The following ANKFY1 variants were observed in gnomAD, a reference collection of about 807,000 sequenced individuals.
The protein encoded by ANKFY1 is ankyrin repeat and FYVE domain containing 1, also known as ankyrin repeat and FYVE domain-containing protein 1.
In ANKFY1, 47 loss-of-function variants were observed where a neutral mutation model predicts 128.3. That is an observed-to-expected ratio of 0.37 (90% CI 0.29 to 0.47). The LOEUF (loss-of-function observed/expected upper bound fraction) is 0.47, where lower values mean the gene tolerates loss of function less well. Ranked by LOEUF, ANKFY1 falls within the 20% of genes least tolerant of loss-of-function variation. The probability of loss-of-function intolerance (pLI) is 1.00; values close to 1 mark genes in which losing one functional copy is unlikely to be tolerated. For synonymous variants in ANKFY1, 553 were observed against 601.6 expected, an observed-to-expected ratio of 0.92 and a Z score of 1.18; for missense variants, 1,222 against 1,510.6, an observed-to-expected ratio of 0.81 and a Z score of 3.17.
chr17:4,207,710 A>C (rs2060051045), intron 6 of ANKFY1, among the ~76,000 whole-genome samples: 1 of 152,188 alleles, frequency 6.6e-6, no homozygotes, highest in African/African-American at 2.4e-5. Flanking sequence ...AACTACCTAA[A>C]AGCATTTAAG....
intron 1 of ANKFY1, among the ~76,000 whole-genome samples, chr17:4,251,279 C>A (rs538723392): frequency 6.6e-6 from 1 of 152,044 alleles, no homozygotes; most frequent in African/African-American, 2.4e-5. Context: ...CATATCTAAA[C>A]GTAAGGGTTA....
At chr17:4,244,681 A>G (rs1467639528) in intron 1 of ANKFY1, among the ~76,000 whole-genome samples, 1 of 151,966 alleles carries the variant, frequency 6.6e-6, no homozygotes, top group African/African-American at 2.4e-5. Flanking sequence ...CATCCCAGCA[A>G]TGATTCCCAT....
In ANKFY1 at chr17:4,242,479, G is replaced by A. The variant is rs12944876; in HGVS notation, c.11-31C>T. 0.37 allele frequency: 558,349 copies of A among 1,504,710 alleles called. 105,001 individuals carry two copies. Among genetic ancestry groups the A allele is most frequent in the Admixed American group, 0.42 (18,476 of 44,168 alleles). The allele number at this position is 1,504,710 out of a possible 1,614,324, so 93.2% of individuals were successfully genotyped here. A position where few individuals can be genotyped will look rare whatever the true frequency, so the allele number is the denominator to read the frequency against. The stretch of plus-strand genomic sequence containing the variant: ...AGGAAAACGAAGAATCAAGTTCACC[G>A]TGGCTGCTGGAAAGCAGGTGGCATT... On this transcript the variant is annotated intron_variant, in intron 1 of 24. Transcript: ENST00000341657.
At position 4,169,273 on chromosome 17, in the gene ANKFY1, T is replaced by C; in HGVS notation, c.3302A>G (p.Glu1101Gly). The C allele has an allele frequency of 2.6e-6, 4 of 1,550,376 alleles. No homozygotes were observed. Among genetic ancestry groups the C allele is most frequent in the Non-Finnish European group, 3.5e-6 (4 of 1,146,844 alleles). ...GTAGGAGCCGTCACACCACGGAGGCTCCTTGGACAGCATATCTGCAACACA... is the reference window on the plus strand; with the variant it reads ...GTAGGAGCCGTCACACCACGGAGGCCCCTTGGACAGCATATCTGCAACACA... Reference protein sequence around the residue: ...LFRLLDMLSKEPPWCDGSYCY... With the variant: ...LFRLLDMLSKGPPWCDGSYCY... Residue 1101 changes from glutamate (E) to glycine (G), a missense_variant, in exon 24 of 25, where the codon GAG (glutamate) becomes GGG (glycine). By Grantham distance (98) the Glu-to-Gly change is moderately conservative. Transcript: ENST00000341657. The surrounding 1 kb of genome is among the most constrained non-coding windows in gnomAD (Gnocchi z 5.0).
chr17:4,219,020 C>G (rs990925239), intron 3 of ANKFY1, among the ~76,000 whole-genome samples: 2 of 152,174 alleles, frequency 1.3e-5, no homozygotes, highest in Non-Finnish European at 2.9e-5. Context: ...CTGTGTCTGT[C>G]TCTCAAGAGA....
chr17:4,205,383 A>G (rs1401013551), intron 7 of ANKFY1, among the ~76,000 whole-genome samples: 1 of 152,210 alleles, frequency 6.6e-6, no homozygotes, highest in Non-Finnish European at 1.5e-5. Flanking sequence ...AATTAGTAAG[A>G]CTATGGAAAA....
intron 9 of ANKFY1, 65 bp from the exon 10 acceptor site, chr17:4,195,242 A>T: frequency 6.7e-7 from 1 of 1,498,934 alleles, no homozygotes; most frequent in Non-Finnish European, 9.1e-7. Flanking sequence ...ACTGACAACA[A>T]CCTGGTTCTT....
At chr17:4,171,838 T>C (rs979428226) in intron 22 of ANKFY1, among the ~76,000 whole-genome samples, 5 of 152,216 alleles carry the variant, frequency 3.3e-5, no homozygotes, top group Admixed American at 2.0e-4. Flanking sequence ...GGTGACTCCA[T>C]TTCTGCCAAG....
At chr17:4,248,516 T>C (rs1259194300) in intron 1 of ANKFY1, among the ~76,000 whole-genome samples, 1 of 152,160 alleles carries the variant, frequency 6.6e-6, no homozygotes, top group Non-Finnish European at 1.5e-5. Flanking sequence ...GTAAAGTCAT[T>C]AGGATAGGTT....
chr17:4,194,638 A>C (rs2059784116), intron 10 of ANKFY1: 1 of 310,120 alleles, frequency 3.2e-6, no homozygotes, highest in Non-Finnish European at 6.2e-6. Context: ...AGTGTAGTCT[A>C]ATATGGTAAA....
chr17:4,213,250 C>T (rs962209661), intron 4 of ANKFY1, among the ~76,000 whole-genome samples: 19 of 148,804 alleles, frequency 1.3e-4, no homozygotes, highest in Middle Eastern at 3.8e-3. Flanking sequence ...AGTGCAGTGG[C>T]ATGATCTCGG....
In ANKFY1 at chr17:4,242,387, C is replaced by T. The variant is rs1473663449; in HGVS notation, c.72G>A (p.Gln24=). 3 of 1,604,320 alleles carry T rather than the reference C, an allele frequency of 1.9e-6. No homozygotes were observed. The highest frequency in any genetic ancestry group is 4.6e-5 in the East Asian group (2 of 43,768). Residue 24 remains glutamine, a synonymous_variant, in exon 2 of 25, where the codon CAG becomes CAA. Transcript: ENST00000341657. ...GCTTCTCTGTCTCCGCCAGCTTCTT[C>T]TGCAGCTTGACATACTCCTGCCGCA... ...MLLRQEYVKL[Q]KKLAETEKRC...
intron 19 of ANKFY1, among the ~76,000 whole-genome samples, chr17:4,176,189 C>A (rs1338875366): frequency 6.6e-6 from 1 of 152,246 alleles, no homozygotes; most frequent in African/African-American, 2.4e-5. Flanking sequence ...GTGTGCCTCA[C>A]TCCCAAGGCG....
chr17:4,173,539 C>T (rs2059360896), intron 20 of ANKFY1, 95 bp from the exon 21 acceptor site: 8 of 1,198,622 alleles, frequency 6.7e-6, no homozygotes, highest in South Asian at 5.0e-5. Context: ...GTAAATGGGA[C>T]CCGGCCACAG....
chr17:4,222,154 GGCCAGAAGGCCCCGCC>G (rs892726533), intron 3 of ANKFY1: 1 of 148,228 alleles, frequency 6.7e-6, no homozygotes, highest in Non-Finnish European at 1.5e-5. Context: ...GGTGCCCCGC[GGCCAGAAGGCCCCGCC>G]GCCGCCGCTG....
At chr17:4,189,966 G>A (rs774826960) in intron 10 of ANKFY1, among the ~76,000 whole-genome samples, 12 of 152,192 alleles carry the variant, frequency 7.9e-5, no homozygotes, top group African/African-American at 2.7e-4. Flanking sequence ...TGGGATTCCC[G>A]CTAGCCACTG....
Position 4,173,994 on chromosome 17 carries a change from A to G in ANKFY1, c.2838T>C (p.Ala946=), listed in dbSNP as rs376956528. ...TKHRQTALHL[A]AQQDLPTICS... is the part of the protein sequence containing the mutation. Reference sequence around the variant, plus strand: ...AGATGGTGGGCAGGTCCTGCTGGGCAGCAAGATGGAGGGCAGTCTGGCGAT... The same window carrying G: ...AGATGGTGGGCAGGTCCTGCTGGGCGGCAAGATGGAGGGCAGTCTGGCGAT... Residue 946 remains alanine, a synonymous_variant, in exon 20 of 25, where the codon GCT becomes GCC. Coordinates refer to ENST00000341657, the MANE Select transcript of ANKFY1 (RefSeq NM_001330063.2). 6.2e-7 allele frequency: 1 copy of G among 1,614,132 alleles called. No homozygotes were observed. The highest frequency in any genetic ancestry group is 1.3e-5 in the African/African-American group (1 of 74,954).
chr17:4,212,806 T>C (rs1598086826), intron 4 of ANKFY1, among the ~76,000 whole-genome samples: 1 of 151,440 alleles, frequency 6.6e-6, no homozygotes, highest in African/African-American at 2.4e-5. Context: ...GAGTCTACCT[T>C]TGTCGCCAGG....
At chr17:4,198,376 A>ATT (rs777969741) in intron 7 of ANKFY1, among the ~76,000 whole-genome samples, 2 of 143,612 alleles carry the variant, frequency 1.4e-5, no homozygotes, top group African/African-American at 5.1e-5. Context: ...TTCTTTTTAG[A>ATT]TTTTTTTTTT....
Sources: gnomAD v4.1 joint callset for allele counts (sites outside exome capture counted in the v4.1 genomes callset) on GRCh38, gnomAD v4.1.1 for gene constraint, Gnocchi (gnomAD v3.1) non-coding constraint, MANE v1.5 for transcripts, NCBI Gene and HGNC (gene_info 2026-07-23, HGNC 2026-07-21) for gene names.